The following PTPRT variants were observed in gnomAD, a reference collection of about 807,000 sequenced individuals.
PTPRT encodes the protein protein tyrosine phosphatase receptor type T.
Under a neutral mutation model 176.8 loss-of-function variants are expected in PTPRT, and 56 were observed. The ratio of observed to expected loss-of-function variants is 0.32; its 90% CI spans 0.26 to 0.40. PTPRT has a LOEUF of 0.40. Among genes scored for constraint, PTPRT ranks in the 10% least tolerant of loss-of-function variants. The pLI is 1.00. For synonymous variants in PTPRT, 783 were observed against 739.0 expected, an observed-to-expected ratio of 1.06 and a Z score of -0.96; for missense variants, 1,540 against 1,908.2, an observed-to-expected ratio of 0.81 and a Z score of 3.60.
intron 7 of PTPRT, among the ~76,000 whole-genome samples, chr20:42,512,785 G>A (rs900279537): frequency 6.6e-6 from 1 of 151,992 alleles, no homozygotes; most frequent in African/African-American, 2.4e-5. Context: ...TGTCAGTTTA[G>A]TTAGATCTAC....
chr20:42,709,190 T>G (rs754914771), intron 6 of PTPRT, among the ~76,000 whole-genome samples: 1 of 152,220 alleles, frequency 6.6e-6, no homozygotes. Flanking sequence ...CTCTTTGTCA[T>G]AGTCACCAGC....
intron 5 of PTPRT, among the ~76,000 whole-genome samples, chr20:42,759,678 G>A (rs1038219305): frequency 4.6e-5 from 7 of 152,172 alleles, no homozygotes; most frequent in Admixed American, 2.0e-4. Flanking sequence ...TTGGCTTCTC[G>A]GAAATTTTCT....
chr20:42,349,646 G>GC (rs1475218957), intron 11 of PTPRT, among the ~76,000 whole-genome samples: 1 of 152,140 alleles, frequency 6.6e-6, no homozygotes, highest in Admixed American at 6.6e-5. Flanking sequence ...TAGGCCTTGG[G>GC]CCCCGCCTCA....
chr20:42,826,088 C>T (rs1247252775), intron 2 of PTPRT, among the ~76,000 whole-genome samples: 1 of 151,982 alleles, frequency 6.6e-6, no homozygotes, highest in African/African-American at 2.4e-5. Context: ...TACAACATAT[C>T]AAGCAGAGAG....
intron 11 of PTPRT, among the ~76,000 whole-genome samples, chr20:42,332,163 T>C (rs4581963): frequency 0.81 from 123,027 of 152,088 alleles, 49,858 homozygotes; most frequent in African/African-American, 0.86. Flanking sequence ...ATACACAAAT[T>C]ATGTCTCCTG....
At chr20:42,772,997 T>A (rs2077085084) in intron 4 of PTPRT, among the ~76,000 whole-genome samples, 1 of 152,108 alleles carries the variant, frequency 6.6e-6, no homozygotes, top group Non-Finnish European at 1.5e-5. Context: ...CAAAATTCAA[T>A]CCAGGTCCAC....
chr20:42,602,429 C>T (rs776867363), intron 7 of PTPRT, among the ~76,000 whole-genome samples: 12 of 152,048 alleles, frequency 7.9e-5, no homozygotes, highest in Non-Finnish European at 1.5e-4. Flanking sequence ...GGGTAATAAA[C>T]GCCTATTTGA....
At chr20:42,279,108 A>G (rs913272424) in intron 13 of PTPRT, among the ~76,000 whole-genome samples, 1 of 152,098 alleles carries the variant, frequency 6.6e-6, no homozygotes, top group Non-Finnish European at 1.5e-5. Context: ...AATCCAAACC[A>G]TCACTTAATG....
rs541014112 is a variant in PTPRT, at chr20:42,407,206, T to C, written c.1560+41014A>G. The stretch of plus-strand genomic sequence containing the variant: ...CTCTACCACTAGATTTGAAGCTAAA[T>C]GCTTACGAGTTTTACAGTTGTTGCA... On this transcript the variant is annotated intron_variant, in intron 9 of 30. Coordinates refer to ENST00000373187, the MANE Select transcript of PTPRT (RefSeq NM_007050.6). Among the ~76,000 whole-genome samples, 4 of 152,334 alleles carry C rather than the reference T, an allele frequency of 2.6e-5. No individual in the cohort carries two copies. The South Asian group carries it at 8.3e-4, about 32-fold the overall frequency.
intron 6 of PTPRT, among the ~76,000 whole-genome samples, chr20:42,721,431 T>C (rs1371753938): frequency 1.3e-5 from 2 of 151,680 alleles, no homozygotes; most frequent in African/African-American, 4.8e-5. Flanking sequence ...GATGGAAGCG[T>C]GGTGGGTGGG....
At chr20:42,815,859 A>G (rs1340336627) in intron 2 of PTPRT, among the ~76,000 whole-genome samples, 1 of 152,228 alleles carries the variant, frequency 6.6e-6, no homozygotes, top group Admixed American at 6.5e-5. Flanking sequence ...AAAACTATCA[A>G]ATAAATTAGA....
intron 4 of PTPRT, among the ~76,000 whole-genome samples, chr20:42,779,952 C>T (rs1271890884): frequency 6.6e-6 from 1 of 151,616 alleles, no homozygotes; most frequent in Non-Finnish European, 1.5e-5. Flanking sequence ...GGACTTTAGA[C>T]TCCCTTAATA....
chr20:42,550,091 T>C (rs906054690), intron 7 of PTPRT, among the ~76,000 whole-genome samples: 1 of 152,158 alleles, frequency 6.6e-6, no homozygotes, highest in Admixed American at 6.5e-5. Context: ...CACTCTGTAT[T>C]GAATAGCTAT....
At chr20:42,315,375 G>C (rs975832508) in intron 12 of PTPRT, among the ~76,000 whole-genome samples, 1 of 152,042 alleles carries the variant, frequency 6.6e-6, no homozygotes, top group Non-Finnish European at 1.5e-5. Flanking sequence ...TTAAGGATCA[G>C]AGAGGTCATG....
intron 1 of PTPRT, among the ~76,000 whole-genome samples, chr20:42,915,541 C>T (rs1021282020): frequency 1.3e-5 from 2 of 152,230 alleles, no homozygotes; most frequent in African/African-American, 4.8e-5. Flanking sequence ...AGGCAGCCAC[C>T]TTAAGAGTAC....
chr20:42,210,404 G>A (rs1261550059), intron 15 of PTPRT, among the ~76,000 whole-genome samples: 22 of 151,868 alleles, frequency 1.4e-4, no homozygotes, highest in African/African-American at 5.1e-4. Flanking sequence ...AAACCCCATC[G>A]TCTCAGCCCA....
chr20:42,586,427 A>G (rs2073472159), intron 7 of PTPRT, among the ~76,000 whole-genome samples: 1 of 152,210 alleles, frequency 6.6e-6, no homozygotes, highest in Admixed American at 6.5e-5. Flanking sequence ...CACAAAGTAC[A>G]TTTCTACCCC....
chr20:42,516,396 T>C (rs756743299), intron 7 of PTPRT, among the ~76,000 whole-genome samples: 6 of 152,186 alleles, frequency 3.9e-5, no homozygotes, highest in South Asian at 2.1e-4. Context: ...TGGACACTTA[T>C]GGAATGACAG....
At chr20:42,798,962 G>A (rs977481063) in intron 2 of PTPRT, among the ~76,000 whole-genome samples, 2 of 151,876 alleles carry the variant, frequency 1.3e-5, no homozygotes, top group Admixed American at 6.6e-5. Flanking sequence ...TTGTGTGCAC[G>A]TGGGTCTTTT....
Sources: gnomAD v4.1 joint callset for allele counts (sites outside exome capture counted in the v4.1 genomes callset) on GRCh38, gnomAD v4.1.1 for gene constraint, MANE v1.5 for transcripts, NCBI Gene and HGNC (gene_info 2026-07-23, HGNC 2026-07-21) for gene names.